Variants in APOOL observed in about 807,000 individuals in gnomAD.
The protein encoded by APOOL is apolipoprotein O like.
In APOOL, 12 loss-of-function variants were observed where a neutral mutation model predicts 23.1. The observed-to-expected ratio is 0.52, with a 90% CI of 0.33 to 0.84. The LOEUF (loss-of-function observed/expected upper bound fraction) is 0.84, where lower values mean the gene tolerates loss of function less well. Among genes scored for constraint, APOOL ranks in the 40% least tolerant of loss-of-function variants. The pLI is 0.02. For synonymous variants in APOOL, 77 were observed against 69.9 expected (o/e 1.10, Z -0.51); for missense variants, 212 against 199.6 (o/e 1.06, Z -0.37).
chrX:85,032,126 TA>T (rs1344583241), intron 1 of APOOL, among the ~76,000 whole-genome samples: 11 of 112,265 alleles, frequency 9.8e-5, no homozygotes, highest in Middle Eastern at 4.2e-3. Context: ...TTAAAATGTC[TA>T]AAAAAATACT....
chrX:85,025,691 A>G lies in APOOL; in HGVS notation c.16-20755A>G, dbSNP rs773265502. Among the ~76,000 whole-genome samples the G allele has an allele frequency of 4.4e-5, 5 of 112,729 alleles. No individual in the cohort carries two copies. In the East Asian group the frequency reaches 1.4e-3, roughly 32 times the overall value. On this transcript the variant is annotated intron_variant, in intron 1 of 8. Transcript: ENST00000373173. ...AGTCATTAAATCTTAAAGCTCCAAA[A>G]TAATCTCTTTTGACTCTACGTTCCA... is the stretch of plus-strand genomic sequence containing the variant.
intron 5 of APOOL, among the ~76,000 whole-genome samples, chrX:85,064,022 G>C (rs1923342604): frequency 9.0e-6 from 1 of 110,686 alleles, no homozygotes; most frequent in Non-Finnish European, 1.9e-5. Flanking sequence ...TTTTTGGATA[G>C]TAGGCTATTC....
At chrX:85,080,564 T>C (rs1320518477) in intron 8 of APOOL, 1 of 111,910 alleles carries the variant, frequency 8.9e-6, no homozygotes, top group Non-Finnish European at 1.9e-5. Flanking sequence ...GAATGTATAT[T>C]CTGTTGATTT....
At chrX:85,025,468 G>A (rs1266975203) in intron 1 of APOOL, among the ~76,000 whole-genome samples, 2 of 111,843 alleles carry the variant, frequency 1.8e-5, no homozygotes, top group Non-Finnish European at 3.8e-5. Flanking sequence ...ACTCCTTCCA[G>A]TGTTAACTCA....
chrX:85,067,739 T>A (rs988828840), intron 6 of APOOL, among the ~76,000 whole-genome samples: 6 of 111,135 alleles, frequency 5.4e-5, no homozygotes, highest in African/African-American at 2.0e-4. Context: ...TAGTTCTGTC[T>A]TTTTCTTGTG....
intron 1 of APOOL, among the ~76,000 whole-genome samples, chrX:85,033,033 A>G (rs1341443789): frequency 8.9e-6 from 1 of 112,296 alleles, no homozygotes; most frequent in Non-Finnish European, 1.9e-5. Context: ...GAGCCCGGAA[A>G]TAGTCTTAGA....
rs1342757474 is a variant in APOOL at position 85,077,710 on chromosome X, T to C, written c.718+3319T>C. Among the ~76,000 whole-genome samples, 3 of 111,806 alleles carry C rather than the reference T, an allele frequency of 2.7e-5. No homozygotes were observed. In the East Asian group the frequency reaches 8.4e-4, roughly 31 times the overall value. ...TCTCTTCCAGAATGGTTGAACTAAT[T>C]TACACTCCCACCAACAGTGTAAAAG... is the stretch of plus-strand genomic sequence containing the variant. On this transcript the variant is annotated intron_variant, in intron 8 of 8. Coordinates refer to ENST00000373173, the MANE Select transcript of APOOL (RefSeq NM_198450.6).
chrX:85,034,081 A>G (rs1264245647), intron 1 of APOOL, among the ~76,000 whole-genome samples: 1 of 111,020 alleles, frequency 9.0e-6, no homozygotes. Flanking sequence ...AGATTTTGAA[A>G]ATGTCTTGTT....
chrX:85,058,389 G>C (rs1273492579), intron 5 of APOOL, among the ~76,000 whole-genome samples: 1 of 111,285 alleles, frequency 9.0e-6, no homozygotes, highest in African/African-American at 3.3e-5. Context: ...CCATGTCCCT[G>C]CAAAGGACAT....
intron 1 of APOOL, among the ~76,000 whole-genome samples, chrX:85,028,228 G>T (rs1921908010): frequency 9.0e-6 from 1 of 110,824 alleles, no homozygotes; most frequent in African/African-American, 3.3e-5. Flanking sequence ...TTTTAGGGGA[G>T]AATCCATTTC....
intron 1 of APOOL, among the ~76,000 whole-genome samples, chrX:85,036,096 T>C (rs1228583617): frequency 8.9e-6 from 1 of 112,463 alleles, no homozygotes; most frequent in East Asian, 2.8e-4. Flanking sequence ...ATATTGATTC[T>C]TCCTATCCAT....
chrX:85,050,622 AT>A (rs1016003204), intron 2 of APOOL, among the ~76,000 whole-genome samples: 3 of 105,017 alleles, frequency 2.9e-5, no homozygotes, highest in African/African-American at 7.4e-5. Flanking sequence ...AAAAAAAAAA[AT>A]TTTTTTTTAA....
chrX:85,049,031 A>G (rs1012886402), intron 2 of APOOL, among the ~76,000 whole-genome samples: 2 of 111,309 alleles, frequency 1.8e-5, no homozygotes, highest in East Asian at 5.6e-4. Context: ...CCTCTATGAG[A>G]TGAATTATAC....
chrX:85,028,427 ATATT>A (rs1170002901), intron 1 of APOOL, among the ~76,000 whole-genome samples: 1 of 111,462 alleles, frequency 9.0e-6, no homozygotes, highest in African/African-American at 3.3e-5. Flanking sequence ...GTACATGTAT[ATATT>A]TATGGGACAC....
chrX:85,046,497 G>A lies in APOOL; in HGVS notation c.67G>A (p.Val23Ile), dbSNP rs1254279940. 8.3e-7 allele frequency: 1 copy of A among 1,209,745 alleles called. No homozygotes were observed. ...AGGTCTGATATATGCATCTGTAAGTGTACATGCAGCCAAACAAGAGGAATC... is the reference window on the plus strand; with the variant it reads ...AGGTCTGATATATGCATCTGTAAGTATACATGCAGCCAAACAAGAGGAATC... ...PAGLIYASVS[V>I]HAAKQEESKK... The change falls in exon 2 of 9, where the codon GTA becomes ATA. Residue 23 changes from valine (V) to isoleucine (I), a missense_variant. By Grantham distance (29) the Val-to-Ile change is conservative. Coordinates refer to ENST00000373173, the MANE Select transcript of APOOL (RefSeq NM_198450.6).
intron 8 of APOOL, among the ~76,000 whole-genome samples, chrX:85,082,200 A>C (rs913595726): frequency 9.0e-6 from 1 of 111,120 alleles, no homozygotes; most frequent in South Asian, 3.8e-4. Flanking sequence ...CAGATTTTCT[A>C]CTCTGGTTTC....
chrX:85,028,684 C>T lies in APOOL; in HGVS notation c.16-17762C>T, dbSNP rs762228717. ...ACCATTCCCACATCTCCCCTTACCC[C>T]TATCACTATCCTTCCCAGCCTCTGG... On this transcript the variant is annotated intron_variant, in intron 1 of 8. Transcript: ENST00000373173. 1.1e-4 allele frequency among the ~76,000 whole-genome samples: 12 copies of T among 109,641 alleles called. No individual in the cohort carries two copies. The East Asian group carries it at 3.5e-3, about 32-fold the overall frequency.
At position 85,053,297 on chromosome X, in the gene APOOL, A is replaced by G. The variant is rs781324878; in HGVS notation, c.241-1047A>G. 6.3e-5 allele frequency among the ~76,000 whole-genome samples: 7 copies of G among 111,800 alleles called. No homozygotes were observed. In the South Asian group the frequency reaches 2.6e-3, roughly 41 times the overall value. On this transcript the variant is annotated intron_variant, in intron 3 of 8. Coordinates refer to ENST00000373173, the MANE Select transcript of APOOL (RefSeq NM_198450.6). ...ATAGGTATTTTAACTTTGAAGGTGAAATATTCTCAAGACAGTCCCTACAGA... is the reference window on the plus strand; with the variant it reads ...ATAGGTATTTTAACTTTGAAGGTGAGATATTCTCAAGACAGTCCCTACAGA...
At position 85,037,396 on chromosome X, in the gene APOOL, G is replaced by T. The variant is rs749346336; in HGVS notation, c.16-9050G>T. On this transcript the variant is annotated intron_variant, in intron 1 of 8. Transcript: ENST00000373173. Reference sequence around the variant, plus strand: ...TATAAGGAGAAACCCCTTTTGCTTTGCTGTCATTCTTCTCTTGTCTGCTGC... The same window carrying T: ...TATAAGGAGAAACCCCTTTTGCTTTTCTGTCATTCTTCTCTTGTCTGCTGC... Among the ~76,000 whole-genome samples the T allele has an allele frequency of 2.4e-4, 27 of 111,534 alleles. No individual in the cohort carries two copies. In the East Asian group the frequency reaches 7.4e-3, roughly 30 times the overall value.
Sources: allele counts gnomAD v4.1 joint callset (sites outside exome capture counted in the v4.1 genomes callset), GRCh38; gene constraint gnomAD v4.1.1; transcripts MANE v1.5; gene names NCBI Gene and HGNC (gene_info 2026-07-23, HGNC 2026-07-21).